RBMS2: variants seen among roughly 807,000 people sequenced by gnomAD.
The protein encoded by RBMS2 is RNA binding motif single stranded interacting protein 2.
RBMS2 carries 38 observed loss-of-function variants against 58.4 expected under a neutral mutation model. The ratio of observed to expected loss-of-function variants is 0.65; its 90% CI spans 0.50 to 0.85. The LOEUF (loss-of-function observed/expected upper bound fraction) is 0.85, where lower values mean the gene tolerates loss of function less well. Ranked by LOEUF, RBMS2 falls within the 40% of genes least tolerant of loss-of-function variation. The pLI, the probability that RBMS2 is intolerant of heterozygous loss-of-function variation, is 0.00. For missense variants in RBMS2, 367 were observed against 503.7 expected, an observed-to-expected ratio of 0.73 and a Z score of 2.60; for synonymous variants, 151 against 180.7, an observed-to-expected ratio of 0.84 and a Z score of 1.32.
chr12:56,570,633 A>C (rs1882132668), intron 4 of RBMS2, among the ~76,000 whole-genome samples: 1 of 152,148 alleles, frequency 6.6e-6, no homozygotes, highest in Non-Finnish European at 1.5e-5. Context: ...GCTGGAGTGC[A>C]GTGGCGCAAT....
intron 5 of RBMS2, among the ~76,000 whole-genome samples, chr12:56,577,864 G>A (rs539952351): frequency 1.5e-3 from 230 of 152,236 alleles, no homozygotes; most frequent in Non-Finnish European, 2.7e-3. Context: ...TTGTATTTTA[G>A]TAGAGACTGG....
intron 1 of RBMS2, among the ~76,000 whole-genome samples, chr12:56,561,646 A>G (rs958962504): frequency 6.7e-6 from 1 of 149,534 alleles, no homozygotes; most frequent in Non-Finnish European, 1.5e-5. Context: ...AGCTGGGATT[A>G]TAGGCGAGTG....
In RBMS2 at chr12:56,577,456, A is replaced by AATTATTATTATTATTATT. The variant is rs138810999; in HGVS notation, c.543-3709_543-3692dup. Among the ~76,000 whole-genome samples, 3 of 145,728 alleles carry AATTATTATTATTATTATT rather than the reference A, an allele frequency of 2.1e-5. No individual in the cohort carries two copies. In the Admixed American group the frequency reaches 2.1e-4, roughly 10 times the overall value. On this transcript the variant is annotated intron_variant, in intron 5 of 13. Coordinates refer to ENST00000262031, the MANE Select transcript of RBMS2 (RefSeq NM_002898.4). ...AAAATAAAATAAAATGTTCATACAA[A>AATTATTATTATTATTATT]ATTATTATTATTATTATTATTATTA...
intron 1 of RBMS2, among the ~76,000 whole-genome samples, chr12:56,527,043 A>G (rs1026799182): frequency 2.0e-5 from 3 of 152,300 alleles, no homozygotes; most frequent in African/African-American, 7.2e-5. Context: ...AGTAAGGCTG[A>G]CTGGTGGGTA....
intron 1 of RBMS2, among the ~76,000 whole-genome samples, chr12:56,529,069 T>A (rs574622814): frequency 6.6e-6 from 1 of 152,160 alleles, no homozygotes; most frequent in East Asian, 1.9e-4. Context: ...ACCCAGGAAT[T>A]CCACTCCTAG....
intron 2 of RBMS2, among the ~76,000 whole-genome samples, chr12:56,562,845 G>A (rs915728166): frequency 5.9e-5 from 9 of 152,132 alleles, no homozygotes; most frequent in African/African-American, 1.9e-4. Context: ...GCTACTGGCC[G>A]GGTGCGGTGG....
chr12:56,538,575 C>T (rs1052111861), intron 1 of RBMS2, among the ~76,000 whole-genome samples: 1 of 149,026 alleles, frequency 6.7e-6, no homozygotes, highest in Non-Finnish European at 1.5e-5. Flanking sequence ...CTCCGCCTCC[C>T]GGGTACAAGC....
At chr12:56,560,277 G>A (rs1223749989) in intron 1 of RBMS2, among the ~76,000 whole-genome samples, 1 of 147,494 alleles carries the variant, frequency 6.8e-6, no homozygotes, top group Admixed American at 6.8e-5. Context: ...TTTTTTTTGA[G>A]ACGGAGTCTC....
At chr12:56,557,368 A>T (rs1879419131) in intron 1 of RBMS2, among the ~76,000 whole-genome samples, 1 of 152,186 alleles carries the variant, frequency 6.6e-6, no homozygotes, top group Admixed American at 6.6e-5. Flanking sequence ...TCTTACCCTT[A>T]AAAGTGAATA....
chr12:56,568,337 ACACTC>A (rs962317042), intron 2 of RBMS2, among the ~76,000 whole-genome samples: 9 of 152,198 alleles, frequency 5.9e-5, no homozygotes, highest in African/African-American at 2.2e-4. Context: ...CTGCCTCTAC[ACACTC>A]TTTCGTGTGG....
Position 56,581,175 on chromosome 12 carries a change from G to A in RBMS2, c.543-9G>A. The A allele has an allele frequency of 6.3e-7, 1 of 1,583,286 alleles. No individual in the cohort carries two copies. The highest frequency in any genetic ancestry group is 8.7e-7 in the Non-Finnish European group (1 of 1,152,716). On this transcript the variant is annotated splice_polypyrimidine_tract_variant and intron_variant, in intron 5 of 13. Transcript: ENST00000262031. ...GAAGCTAGAGCCTAACCCCTCTTAT[G>A]CTCCTTAGGATGGAGTCCACAGAGA...
At position 56,596,024 on chromosome 12, in the gene RBMS2, T is replaced by C. The variant is rs1885774609; in HGVS notation, c.*6891T>C. ...ATCACATGGCAAAAACAGGAGTTTTTTCGCTAGACTTTTTTTTTCTTTTTA... is the reference window on the plus strand; with the variant it reads ...ATCACATGGCAAAAACAGGAGTTTTCTCGCTAGACTTTTTTTTTCTTTTTA... On this transcript the variant is annotated 3_prime_UTR_variant, in exon 14 of 14. Transcript: ENST00000262031. The C allele has an allele frequency of 6.5e-6, 1 of 152,742 alleles. No individual in the cohort carries two copies. The allele number at this position is 152,742 out of a possible 1,614,324, so 9.5% of individuals were successfully genotyped here. A position where few individuals can be genotyped will look rare whatever the true frequency, so the allele number is the denominator to read the frequency against.
At chr12:56,547,943 T>C (rs549652255) in intron 1 of RBMS2, among the ~76,000 whole-genome samples, 2 of 151,938 alleles carry the variant, frequency 1.3e-5, no homozygotes, top group South Asian at 4.2e-4. Flanking sequence ...TGAGCCACCG[T>C]GCCCAGCCCA....
intron 1 of RBMS2, among the ~76,000 whole-genome samples, chr12:56,537,778 T>C (rs1234922740): frequency 1.3e-5 from 2 of 152,010 alleles, no homozygotes; most frequent in Non-Finnish European, 2.9e-5. Flanking sequence ...CAGGAACCAC[T>C]GTCCTGTTTT....
chr12:56,568,035 C>T (rs1018421967), intron 2 of RBMS2, among the ~76,000 whole-genome samples: 3 of 152,174 alleles, frequency 2.0e-5, no homozygotes, highest in South Asian at 2.1e-4. Flanking sequence ...TATTAATTCA[C>T]AGTCCTAACA....
chr12:56,570,131 G>A lies in RBMS2; in HGVS notation c.384+141G>A, dbSNP rs1882045319. On this transcript the variant is annotated intron_variant, in intron 4 of 13. Transcript: ENST00000262031. ...CCGTGGTGCTTTCTAGACAGTCCAT[G>A]AGCACCCCTGGCTGCTGGAGGAAGA... The A allele has an allele frequency of 5.9e-6, 4 of 675,008 alleles. 1 individual carries two copies. In the Admixed American group the frequency reaches 1.2e-4, roughly 20 times the overall value. The allele number at this position is 675,008 out of a possible 1,614,324, so 41.8% of individuals were successfully genotyped here. A position where few individuals can be genotyped will look rare whatever the true frequency, so the allele number is the denominator to read the frequency against.
chr12:56,531,747 G>C (rs1965307), intron 1 of RBMS2, among the ~76,000 whole-genome samples: 3 of 148,400 alleles, frequency 2.0e-5, no homozygotes, highest in African/African-American at 7.5e-5. Flanking sequence ...GAACCTGGGA[G>C]ACAGAGGCTG....
Position 56,572,878 on chromosome 12 carries a change from G to A in RBMS2, c.542+1023G>A, listed in dbSNP as rs949000100. 7.1e-6 allele frequency: 7 copies of A among 984,662 alleles called. No individual in the cohort carries two copies. In the African/African-American group the frequency reaches 1.2e-4, roughly 17 times the overall value. The allele number at this position is 984,662 out of a possible 1,614,324, so 61.0% of individuals were successfully genotyped here. On this transcript the variant is annotated intron_variant, in intron 5 of 13. Coordinates refer to ENST00000262031, the MANE Select transcript of RBMS2 (RefSeq NM_002898.4). ...TGGTTCACTCTCTGAAGTGGAGATT[G>A]ATTCAGATGAGTAATTTTCCCACAG...
intron 1 of RBMS2, among the ~76,000 whole-genome samples, chr12:56,553,619 C>A (rs1318666901): frequency 6.6e-6 from 1 of 151,882 alleles, no homozygotes; most frequent in Non-Finnish European, 1.5e-5. Context: ...TGAGCCACTG[C>A]ACCCAGCCTA....
Sources: gnomAD v4.1 joint callset for allele counts (sites outside exome capture counted in the v4.1 genomes callset) on GRCh38, gnomAD v4.1.1 for gene constraint, MANE v1.5 for transcripts, NCBI Gene and HGNC (gene_info 2026-07-23, HGNC 2026-07-21) for gene names.